ENOX2: variants seen among roughly 807,000 people sequenced by gnomAD.
ENOX2 encodes the protein APK1 antigen.
Under a neutral mutation model 45.0 loss-of-function variants are expected in ENOX2, and 36 were observed. The observed-to-expected ratio is 0.80, with a 90% confidence interval of 0.61 to 1.06. ENOX2 has a LOEUF of 1.06. ENOX2 is among the 50% of genes least tolerant of loss of function. The pLI is 0.00. For missense variants in ENOX2, 423 were observed against 462.5 expected (o/e 0.91, Z 0.78); for synonymous variants, 174 against 152.3 (o/e 1.14, Z -1.05).
intron 3 of ENOX2, among the ~76,000 whole-genome samples, chrX:130,764,499 G>GTTT (rs111932904): frequency 3.6e-3 from 353 of 98,733 alleles, no homozygotes; most frequent in African/African-American, 0.012. Flanking sequence ...GTATAGTACA[G>GTTT]TTTTTTTTTT....
Position 130,763,792 on chromosome X carries a change from T to C in ENOX2, c.-39+19755A>G, listed in dbSNP as rs1335461637. Among the ~76,000 whole-genome samples the C allele has an allele frequency of 2.7e-5, 3 of 111,295 alleles. No individual in the cohort carries two copies. In the Admixed American group the frequency reaches 2.8e-4, roughly 11 times the overall value. ...TGGAGACCCCTGGCAGAAGTGTTGA[T>C]GTGCCTCATTAAAGCTTCATGAAGG... On this transcript the variant is annotated intron_variant, in intron 3 of 14. Transcript: ENST00000394363.
intron 3 of ENOX2, among the ~76,000 whole-genome samples, chrX:130,718,266 G>A (rs2038380828): frequency 8.9e-6 from 1 of 111,934 alleles, no homozygotes; most frequent in Admixed American, 9.5e-5. Flanking sequence ...TCCCTGCATG[G>A]GCCCTAATTC....
At chrX:130,776,269 T>A (rs777414067) in intron 3 of ENOX2, among the ~76,000 whole-genome samples, 6 of 111,958 alleles carry the variant, frequency 5.4e-5, no homozygotes, top group South Asian at 3.8e-4. Flanking sequence ...AGAGATTCTC[T>A]AGACGAAGTT....
intron 2 of ENOX2, among the ~76,000 whole-genome samples, chrX:130,858,739 C>T (rs1368615510): frequency 9.0e-6 from 1 of 111,478 alleles, no homozygotes; most frequent in Non-Finnish European, 1.9e-5. Context: ...AAACCCACAC[C>T]ATATTGTTAT....
intron 2 of ENOX2, among the ~76,000 whole-genome samples, chrX:130,849,664 G>A (rs1325221571): frequency 5.4e-5 from 6 of 112,128 alleles, no homozygotes; most frequent in Non-Finnish European, 9.4e-5. Context: ...GTCGTGGAAA[G>A]AACCCCAGAT....
At chrX:130,793,106 G>A in intron 2 of ENOX2, among the ~76,000 whole-genome samples, 1 of 112,385 alleles carries the variant, frequency 8.9e-6, no homozygotes, top group Non-Finnish European at 1.9e-5. Context: ...ATTGTAAAAT[G>A]GGGATGATAA....
intron 6 of ENOX2, among the ~76,000 whole-genome samples, chrX:130,677,743 T>C (rs1483712058): frequency 1.8e-5 from 2 of 111,336 alleles, no homozygotes; most frequent in Non-Finnish European, 3.8e-5. Flanking sequence ...CCCTAGACCT[T>C]AGACTTCCAG....
Position 130,886,310 on chromosome X carries a change from T to C in ENOX2, c.-183+15374A>G, listed in dbSNP as rs1325670026. On this transcript the variant is annotated intron_variant, in intron 2 of 14. Transcript: ENST00000394363. Reference sequence around the variant, plus strand: ...GCGTAGGAGCATAATATTTTAAGAATAATAAAGCAACAATGGAGATGAAAG... The same window carrying C: ...GCGTAGGAGCATAATATTTTAAGAACAATAAAGCAACAATGGAGATGAAAG... Among the ~76,000 whole-genome samples, 7 of 112,902 alleles carry C rather than the reference T, an allele frequency of 6.2e-5. No homozygotes were observed. The East Asian group carries it at 1.9e-3, about 31-fold the overall frequency.
intron 5 of ENOX2, among the ~76,000 whole-genome samples, chrX:130,684,819 T>C (rs1253576614): frequency 2.7e-5 from 3 of 110,938 alleles, no homozygotes; most frequent in African/African-American, 9.8e-5. Context: ...CAAAAATTAG[T>C]TGGGCATGAT....
chrX:130,689,682 T>C (rs2037541521), intron 4 of ENOX2, among the ~76,000 whole-genome samples: 1 of 112,318 alleles, frequency 8.9e-6, no homozygotes, highest in Non-Finnish European at 1.9e-5. Context: ...TCACCTTCCT[T>C]GAAGAGGCTT....
At chrX:130,676,886 T>C (rs5977342) in intron 6 of ENOX2, among the ~76,000 whole-genome samples, 1,393 of 111,650 alleles carry the variant, frequency 0.012, 21 homozygotes, top group African/African-American at 0.043. Context: ...CTTGCGGAAA[T>C]AATTATCTTC....
chrX:130,693,466 C>T (rs1325675360), intron 4 of ENOX2, among the ~76,000 whole-genome samples: 1 of 111,830 alleles, frequency 8.9e-6, no homozygotes, highest in Non-Finnish European at 1.9e-5. Context: ...GTTACGTGCT[C>T]AAGTTTATAC....
chrX:130,875,182 C>CT (rs2078672999), intron 2 of ENOX2, among the ~76,000 whole-genome samples: 1 of 110,922 alleles, frequency 9.0e-6, no homozygotes, highest in Non-Finnish European at 1.9e-5. Flanking sequence ...CTCATGGGAT[C>CT]TTATTCTAAG....
At chrX:130,647,607 A>G (rs911820002) in intron 10 of ENOX2, among the ~76,000 whole-genome samples, 8 of 112,412 alleles carry the variant, frequency 7.1e-5, no homozygotes, top group African/African-American at 2.6e-4. Context: ...TTCCCTTTGA[A>G]TAGTACTGCT....
chrX:130,795,249 T>G (rs941925086), intron 2 of ENOX2, among the ~76,000 whole-genome samples: 1 of 112,140 alleles, frequency 8.9e-6, no homozygotes, highest in African/African-American at 3.2e-5. Flanking sequence ...TGTTGACAAC[T>G]GATTAACTCC....
rs773545935 is a variant in ENOX2 at position 130,645,931 on chromosome X, G to A, written c.1130-8521C>T. The A allele has an allele frequency of 1.4e-4, 95 of 700,603 alleles. No individual in the cohort carries two copies. In the African/African-American group the frequency reaches 1.7e-3, roughly 12 times the overall value. The allele number at this position is 700,603 out of a possible 1,213,427, so 57.7% of individuals were successfully genotyped here. A position where few individuals can be genotyped will look rare whatever the true frequency, so the allele number is the denominator to read the frequency against. ...TAGTTTAACTTGGGCAATAGCAGTC[G>A]TCCCAGCAATCAGTGCCACAACTCC... On this transcript the variant is annotated intron_variant, in intron 10 of 14. Transcript: ENST00000394363.
chrX:130,727,033 A>G (rs934585286), intron 3 of ENOX2, among the ~76,000 whole-genome samples: 1 of 112,049 alleles, frequency 8.9e-6, no homozygotes, highest in Non-Finnish European at 1.9e-5. Flanking sequence ...TAGGGAGGTG[A>G]GGCTGGGTGA....
chrX:130,768,608 C>T (rs1437397362), intron 3 of ENOX2, among the ~76,000 whole-genome samples: 3 of 111,905 alleles, frequency 2.7e-5, no homozygotes, highest in East Asian at 5.6e-4. Flanking sequence ...TGGAGGTGCA[C>T]AGGGCTACAA....
At chrX:130,794,543 T>C (rs773447728) in intron 2 of ENOX2, among the ~76,000 whole-genome samples, 1 of 112,978 alleles carries the variant, frequency 8.9e-6, no homozygotes, top group East Asian at 2.8e-4. Context: ...TTTCTGCTAA[T>C]AGATTATTAA....
Sources: gnomAD v4.1 joint callset for allele counts (sites outside exome capture counted in the v4.1 genomes callset) on GRCh38, gnomAD v4.1.1 for gene constraint, MANE v1.5 for transcripts, NCBI Gene and HGNC (gene_info 2026-07-23, HGNC 2026-07-21) for gene names.